TMEM108: variants seen among roughly 807,000 people sequenced by gnomAD.
The protein encoded by TMEM108 is transmembrane protein 108.
In TMEM108, 12 loss-of-function variants were observed where a neutral mutation model predicts 35.1. The ratio of observed to expected loss-of-function variants is 0.34; its 90% CI spans 0.22 to 0.55. TMEM108 has a LOEUF of 0.55. TMEM108 is among the 20% of genes least tolerant of loss of function. TMEM108 has a pLI of 0.89. For missense variants in TMEM108, 680 were observed against 753.3 expected (o/e 0.90, Z 1.14); for synonymous variants, 287 against 308.6 (o/e 0.93, Z 0.73).
intron 2 of TMEM108, among the ~76,000 whole-genome samples, chr3:133,205,903 G>T (rs1945745901): frequency 6.6e-6 from 1 of 152,106 alleles, no homozygotes; most frequent in South Asian, 2.1e-4. Flanking sequence ...TTTCCAACTT[G>T]GTTCCATTCT....
At chr3:133,196,447 A>C (rs1431067754) in intron 2 of TMEM108, among the ~76,000 whole-genome samples, 1 of 152,226 alleles carries the variant, frequency 6.6e-6, no homozygotes, top group Non-Finnish European at 1.5e-5. Flanking sequence ...AGATAGTTTC[A>C]AATGATGATG....
chr3:133,370,909 T>TGTGTGG (rs1328209805), intron 3 of TMEM108, among the ~76,000 whole-genome samples: 1 of 142,876 alleles, frequency 7.0e-6, no homozygotes, highest in Non-Finnish European at 1.6e-5. Flanking sequence ...TGTGTGTGTG[T>TGTGTGG]GTGTGTGTGT....
At chr3:133,049,046 T>C (rs1284691694) in intron 2 of TMEM108, among the ~76,000 whole-genome samples, 2 of 152,342 alleles carry the variant, frequency 1.3e-5, no homozygotes, top group East Asian at 3.9e-4. Flanking sequence ...TCCTGATGGA[T>C]GCTAAAATTT....
chr3:133,195,072 A>T (rs971512801), intron 2 of TMEM108, among the ~76,000 whole-genome samples: 3 of 152,178 alleles, frequency 2.0e-5, no homozygotes, highest in African/African-American at 7.2e-5. Flanking sequence ...CACATCCTGA[A>T]TTTTTTCACA....
At chr3:133,170,474 G>A (rs11707664) in intron 2 of TMEM108, among the ~76,000 whole-genome samples, 31,204 of 152,062 alleles carry the variant, frequency 0.21, 3,551 homozygotes, top group East Asian at 0.49. Context: ...TTAAAGCATG[G>A]TTAAACCAAA....
chr3:133,289,591 A>G (rs544460661), intron 3 of TMEM108, among the ~76,000 whole-genome samples: 4 of 152,334 alleles, frequency 2.6e-5, no homozygotes, highest in African/African-American at 7.2e-5. Flanking sequence ...GTGAAAATCA[A>G]TGTGGAACAG....
intron 3 of TMEM108, among the ~76,000 whole-genome samples, chr3:133,330,043 CTG>C (rs2071377161): frequency 6.6e-6 from 1 of 152,134 alleles, no homozygotes; most frequent in Admixed American, 6.6e-5. Context: ...AAAAAAAAAT[CTG>C]TGACAGCATA....
At chr3:133,236,838 C>G (rs530360572) in intron 3 of TMEM108, among the ~76,000 whole-genome samples, 2 of 152,168 alleles carry the variant, frequency 1.3e-5, no homozygotes, top group South Asian at 4.1e-4. Context: ...AGACCCAAAG[C>G]CCCCAACATG....
At chr3:133,394,233 A>G (rs2073274329) in intron 5 of TMEM108, among the ~76,000 whole-genome samples, 2 of 152,110 alleles carry the variant, frequency 1.3e-5, no homozygotes, top group Admixed American at 1.3e-4. Context: ...TGTACTCACC[A>G]CCTGCCCTTT....
chr3:133,099,748 C>G (rs1266707056), intron 2 of TMEM108, among the ~76,000 whole-genome samples: 1 of 152,192 alleles, frequency 6.6e-6, no homozygotes, highest in Non-Finnish European at 1.5e-5. Flanking sequence ...TGCTCCAGTT[C>G]CCAACAAGTT....
chr3:133,124,820 G>A (rs539716587), intron 2 of TMEM108: 33 of 152,372 alleles, frequency 2.2e-4, no homozygotes, highest in African/African-American at 7.7e-4. Context: ...CAAGACCACA[G>A]AGTGGGGAGA....
intron 4 of TMEM108, chr3:133,386,941 A>T (rs1296729671): frequency 1.1e-6 from 1 of 887,300 alleles, no homozygotes; most frequent in Non-Finnish European, 1.4e-6. Context: ...TTCCTCAGGC[A>T]GTTATCATGT....
chr3:133,237,943 T>C (rs1946261865), intron 3 of TMEM108, among the ~76,000 whole-genome samples: 1 of 152,186 alleles, frequency 6.6e-6, no homozygotes. Context: ...TGGGGAGTCC[T>C]CAATAAATTT....
chr3:133,371,346 T>G (rs1051101283), intron 3 of TMEM108, among the ~76,000 whole-genome samples: 1 of 152,170 alleles, frequency 6.6e-6, no homozygotes. Context: ...GTCAGCTTGA[T>G]GGGCTGGAAG....
intron 2 of TMEM108, among the ~76,000 whole-genome samples, chr3:133,152,575 A>G (rs1008113309): frequency 6.6e-6 from 1 of 152,094 alleles, no homozygotes; most frequent in Non-Finnish European, 1.5e-5. Context: ...CCCCTGGGTT[A>G]CCAGGGTCAT....
In TMEM108 at chr3:133,380,139, T is replaced by G. The variant is rs747897988; in HGVS notation, c.428T>G (p.Leu143Arg). ...GGGCAGGCTGCCCCCACCATCCTGC[T>G]GACAAAGCCACCGGGGGCCACCAGC... ...PRGQAAPTILLTKPPGATSRP... is the reference protein window; with the variant it reads ...PRGQAAPTILRTKPPGATSRP... Residue 143 changes from leucine to arginine, a missense_variant, in exon 4 of 6, where the codon CTG becomes CGG. Physicochemically the swap from Leu to Arg is moderately radical, Grantham distance 102. This residue lies in a region of TMEM108 where 526 missense variants were observed against 532.1 expected (regional missense o/e 0.99). Coordinates refer to ENST00000321871, the MANE Select transcript of TMEM108 (RefSeq NM_023943.4). The surrounding 1 kb of genome is among the most constrained non-coding windows in gnomAD (Gnocchi z 5.3). The G allele has an allele frequency of 1.2e-6, 2 of 1,613,582 alleles. No individual in the cohort carries two copies. Among genetic ancestry groups the G allele is most frequent in the South Asian group, 2.2e-5 (2 of 91,056 alleles).
At chr3:133,076,083 AAGGAGGAAGGC>A (rs1943739487) in intron 2 of TMEM108, among the ~76,000 whole-genome samples, 1 of 152,172 alleles carries the variant, frequency 6.6e-6, no homozygotes, top group African/African-American at 2.4e-5. Context: ...AGATTTGGGT[AAGGAGGAAGGC>A]AGGAGGAGGA....
At chr3:133,117,443 C>A (rs1433412080) in intron 2 of TMEM108, among the ~76,000 whole-genome samples, 1 of 152,170 alleles carries the variant, frequency 6.6e-6, no homozygotes, top group Non-Finnish European at 1.5e-5. Flanking sequence ...TGGAAGACAA[C>A]AAGTCTATCT....
At chr3:133,371,949 C>T (rs1286684690) in intron 3 of TMEM108, among the ~76,000 whole-genome samples, 3 of 152,124 alleles carry the variant, frequency 2.0e-5, no homozygotes, top group Admixed American at 2.0e-4. Context: ...GAGGTGAGAG[C>T]TGGAGTAGAG....
Sources: allele counts gnomAD v4.1 joint callset (sites outside exome capture counted in the v4.1 genomes callset), GRCh38; gene constraint gnomAD v4.1.1; regional missense constraint gnomAD v4.1.1; non-coding constraint Gnocchi (gnomAD v3.1); transcripts MANE v1.5; gene names NCBI Gene and HGNC (gene_info 2026-07-23, HGNC 2026-07-21).